Variants in SHROOM3 observed in about 807,000 individuals in gnomAD.
The protein encoded by SHROOM3 is shroom family member 3.
In SHROOM3, 47 loss-of-function variants were observed where a neutral mutation model predicts 138.6. The observed-to-expected ratio is 0.34, with a 90% CI of 0.27 to 0.43. SHROOM3 has a LOEUF of 0.43. SHROOM3 is among the 20% of genes least tolerant of loss of function. The pLI is 1.00. For missense variants in SHROOM3, 2,491 were observed against 2,596.5 expected (o/e 0.96, Z 0.88); for synonymous variants, 1,062 against 1,063.3 (o/e 1.00, Z 0.02).
chr4:76,491,371 G>A (rs1003474766), intron 1 of SHROOM3, among the ~76,000 whole-genome samples: 1 of 149,872 alleles, frequency 6.7e-6, no homozygotes, highest in African/African-American at 2.4e-5. Flanking sequence ...ATACTGGTTA[G>A]TGGGAAATGT....
At chr4:76,633,610 T>C (rs1207495563) in intron 2 of SHROOM3, among the ~76,000 whole-genome samples, 6 of 139,176 alleles carry the variant, frequency 4.3e-5, no homozygotes, top group Admixed American at 1.5e-4. Flanking sequence ...TGAGCCGAGA[T>C]TGCGCCACCG....
At chr4:76,697,890 A>G (rs759909905) in intron 2 of SHROOM3, among the ~76,000 whole-genome samples, 17 of 152,164 alleles carry the variant, frequency 1.1e-4, no homozygotes, top group Non-Finnish European at 1.0e-4. Context: ...AACATACAGG[A>G]TGAGGAAAAA....
chr4:76,772,542 G>A (rs1465860349), intron 10 of SHROOM3, among the ~76,000 whole-genome samples: 1 of 152,128 alleles, frequency 6.6e-6, no homozygotes, highest in Non-Finnish European at 1.5e-5. Flanking sequence ...AAACATTTAG[G>A]AAAGTGACTC....
chr4:76,614,507 T>C (rs1734831614), intron 2 of SHROOM3, among the ~76,000 whole-genome samples: 1 of 152,190 alleles, frequency 6.6e-6, no homozygotes, highest in African/African-American at 2.4e-5. Context: ...AATTTTGGGA[T>C]ACATGTGCAG....
At chr4:76,778,473 C>T (rs966077687) in intron 10 of SHROOM3, among the ~76,000 whole-genome samples, 3 of 152,186 alleles carry the variant, frequency 2.0e-5, no homozygotes, top group South Asian at 2.1e-4. Flanking sequence ...CCATCCATCC[C>T]GGCCTCCCAA....
chr4:76,596,232 T>A (rs1734380873), intron 2 of SHROOM3, among the ~76,000 whole-genome samples: 1 of 152,118 alleles, frequency 6.6e-6, no homozygotes, highest in Non-Finnish European at 1.5e-5. Flanking sequence ...TATTCAGTAA[T>A]GTGCTGGGAC....
At chr4:76,714,058 T>C (rs1320385425) in intron 3 of SHROOM3, among the ~76,000 whole-genome samples, 1 of 152,228 alleles carries the variant, frequency 6.6e-6, no homozygotes, top group African/African-American at 2.4e-5. Context: ...ACAGAAAAGT[T>C]GTAAAAATAG....
chr4:76,448,640 A>T (rs1336253827), intron 1 of SHROOM3, among the ~76,000 whole-genome samples: 1 of 152,118 alleles, frequency 6.6e-6, no homozygotes, highest in Non-Finnish European at 1.5e-5. Context: ...TCAAACATCT[A>T]TGTCAGCTGC....
intron 2 of SHROOM3, among the ~76,000 whole-genome samples, chr4:76,604,898 C>A (rs1734583675): frequency 6.6e-6 from 1 of 152,076 alleles, no homozygotes; most frequent in South Asian, 2.1e-4. Context: ...TCTATGAAAC[C>A]AAAAATGTGA....
chr4:76,723,318 A>T (rs1720605698), intron 3 of SHROOM3, among the ~76,000 whole-genome samples: 1 of 151,860 alleles, frequency 6.6e-6, no homozygotes, highest in Non-Finnish European at 1.5e-5. Context: ...CTCTGGCTAT[A>T]CTCTCTTGTA....
intron 2 of SHROOM3, among the ~76,000 whole-genome samples, chr4:76,576,268 A>G (rs1353011564): frequency 2.6e-5 from 4 of 152,226 alleles, no homozygotes; most frequent in Non-Finnish European, 5.9e-5. Context: ...CAACAGATGA[A>G]TGGATAAAGA....
intron 2 of SHROOM3, among the ~76,000 whole-genome samples, chr4:76,656,592 A>G (rs1252474565): frequency 6.6e-6 from 1 of 152,212 alleles, no homozygotes; most frequent in Admixed American, 6.5e-5. Context: ...ATTGTCCATG[A>G]AAGACCTCAA....
At chr4:76,736,159 G>A (rs556959188) in intron 4 of SHROOM3, among the ~76,000 whole-genome samples, 20 of 152,016 alleles carry the variant, frequency 1.3e-4, no homozygotes, top group African/African-American at 3.4e-4. Flanking sequence ...GGGTCATACA[G>A]GATTATCCAC....
chr4:76,652,790 T>C (rs75952476), intron 2 of SHROOM3, among the ~76,000 whole-genome samples: 3,493 of 152,174 alleles, frequency 0.023, 137 homozygotes, highest in African/African-American at 0.08. Context: ...GTGTGTGGTG[T>C]GTATAAGTGT....
intron 2 of SHROOM3, among the ~76,000 whole-genome samples, chr4:76,622,604 A>AT (rs1735032407): frequency 6.6e-6 from 1 of 151,978 alleles, no homozygotes; most frequent in Non-Finnish European, 1.5e-5. Flanking sequence ...TATAGATTAT[A>AT]TTTTTGGCTC....
intron 2 of SHROOM3, chr4:76,689,628 G>A: frequency 3.0e-6 from 3 of 985,308 alleles, no homozygotes; most frequent in Non-Finnish European, 3.6e-6. Flanking sequence ...TCGGAGCGGC[G>A]GCGAAGTTTG....
Position 76,741,316 on chromosome 4 carries a change from G to T in SHROOM3, c.3143G>T (p.Arg1048Leu), listed in dbSNP as rs747871133. The T allele has an allele frequency of 6.2e-7, 1 of 1,611,848 alleles. No homozygotes were observed. The highest frequency in any genetic ancestry group is 1.1e-5 in the South Asian group (1 of 90,998). ...CTGGGCCCGCAGAGAAATGGGATGC[G>T]TTTCCCGGAGAGCAGCGTGGCCGAC... ...APLGPQRNGM[R>L]FPESSVADRR... is the part of the protein sequence containing the mutation. The change falls in exon 5 of 11, where the codon CGT becomes CTT. Residue 1048 changes from arginine (R) to leucine (L), a missense_variant. Physicochemically the swap from Arg to Leu is moderately radical, Grantham distance 102 (BLOSUM62 -2). Around this residue, in one of 4 missense-constraint regions of SHROOM3, gnomAD observed 1,733 missense variants for 1,661.6 expected, o/e 1.04. Coordinates refer to ENST00000296043, the MANE Select transcript of SHROOM3 (RefSeq NM_020859.4). This position sits in a 1 kb window ranked among gnomAD's most constrained non-coding sequence, Gnocchi z 6.2.
intron 9 of SHROOM3, among the ~76,000 whole-genome samples, chr4:76,769,211 G>A (rs1012115060): frequency 6.6e-6 from 1 of 150,956 alleles, no homozygotes; most frequent in African/African-American, 2.4e-5. Context: ...GCCAGTTTGG[G>A]GTGTGCATGT....
rs549926631 is a variant in SHROOM3, at chr4:76,624,679, A to G, written c.323+68916A>G. ...TGGGACTGTGCCTCAGAAGCCAAAC[A>G]GAAATTATAAAGAGGTGTCTGAAAT... On this transcript the variant is annotated intron_variant, in intron 2 of 10. Coordinates refer to ENST00000296043, the MANE Select transcript of SHROOM3 (RefSeq NM_020859.4). Among the ~76,000 whole-genome samples, 192 of 152,342 alleles carry G rather than the reference A, an allele frequency of 1.3e-3. 1 individual carries two copies. Among genetic ancestry groups the G allele is most frequent in the African/African-American group, 4.4e-3 (185 of 41,582 alleles).
Sources: allele counts gnomAD v4.1 joint callset (sites outside exome capture counted in the v4.1 genomes callset), GRCh38; gene constraint gnomAD v4.1.1; regional missense constraint gnomAD v4.1.1; non-coding constraint Gnocchi (gnomAD v3.1); transcripts MANE v1.5; gene names NCBI Gene and HGNC (gene_info 2026-07-23, HGNC 2026-07-21).